Variants in PPP1R17 observed in about 807,000 individuals in gnomAD.
PPP1R17 encodes G-substrate.
PPP1R17 carries 12 observed loss-of-function variants against 15.9 expected under a neutral mutation model. That is an observed-to-expected ratio of 0.75 (90% CI 0.48 to 1.22). The LOEUF is 1.22. Among genes scored for constraint, PPP1R17 ranks in the 50% most tolerant of loss-of-function variants. The pLI is 0.00. For missense variants in PPP1R17, 211 were observed against 187.3 expected (o/e 1.13, Z -0.74); for synonymous variants, 63 against 64.5 (o/e 0.98, Z 0.11).
At chr7:31,695,427 T>A (rs1792535784) in intron 2 of PPP1R17, 42 bp from the exon 3 acceptor site, 4 of 1,541,258 alleles carry the variant, frequency 2.6e-6, no homozygotes, top group Non-Finnish European at 8.8e-7. Context: ...GGATCCTTAA[T>A]CATGTTATAT....
At position 31,696,269 on chromosome 7, in the gene PPP1R17, C is replaced by T. The variant is rs375744695; in HGVS notation, c.235+648C>T. Reference sequence around the variant, plus strand: ...AATTTACTGTCATCTCTGTTCACAACACACCTTGAGGGTTGCAAAACAAAT... The same window carrying T: ...AATTTACTGTCATCTCTGTTCACAATACACCTTGAGGGTTGCAAAACAAAT... On this transcript the variant is annotated intron_variant, in intron 3 of 4. Transcript: ENST00000342032. 2.6e-5 allele frequency among the ~76,000 whole-genome samples: 4 copies of T among 152,310 alleles called. No individual in the cohort carries two copies. In the East Asian group the frequency reaches 7.7e-4, roughly 29 times the overall value.
At chr7:31,690,566 T>C (rs1792300379) in intron 1 of PPP1R17, among the ~76,000 whole-genome samples, 1 of 152,220 alleles carries the variant, frequency 6.6e-6, no homozygotes, top group Non-Finnish European at 1.5e-5. Flanking sequence ...ATTTAGCAAC[T>C]TCATCGAAGT....
intron 3 of PPP1R17, among the ~76,000 whole-genome samples, chr7:31,696,576 G>C (rs1441300989): frequency 6.6e-6 from 1 of 152,150 alleles, no homozygotes; most frequent in African/African-American, 2.4e-5. Context: ...CAATACATCA[G>C]ATGAAATCCT....
At chr7:31,694,319 C>G (rs909312275) in intron 2 of PPP1R17, among the ~76,000 whole-genome samples, 1 of 151,428 alleles carries the variant, frequency 6.6e-6, no homozygotes, top group African/African-American at 2.4e-5. Context: ...TTTGGGACAT[C>G]TGAAGTATAT....
chr7:31,694,387 AAC>A (rs533091870), intron 2 of PPP1R17, among the ~76,000 whole-genome samples: 290 of 141,078 alleles, frequency 2.1e-3, no homozygotes, highest in East Asian at 4.6e-3. Flanking sequence ...CTCTCTCTCA[AAC>A]ACACACACAC....
intron 4 of PPP1R17, among the ~76,000 whole-genome samples, chr7:31,702,692 G>A (rs930322892): frequency 6.6e-6 from 1 of 152,114 alleles, no homozygotes; most frequent in African/African-American, 2.4e-5. Context: ...TCAACAACTT[G>A]CATGATGAAT....
intron 2 of PPP1R17, among the ~76,000 whole-genome samples, chr7:31,694,379 CTCT>C (rs1792481112): frequency 2.7e-5 from 4 of 146,748 alleles, no homozygotes; most frequent in Non-Finnish European, 5.9e-5. Context: ...CTCTCTCTCT[CTCT>C]CTCAAACACA....
intron 1 of PPP1R17, among the ~76,000 whole-genome samples, chr7:31,692,187 A>G (rs1792384298): frequency 6.6e-6 from 1 of 152,186 alleles, no homozygotes; most frequent in African/African-American, 2.4e-5. Context: ...GACAATTATG[A>G]ATAAATCTGT....
chr7:31,691,342 T>C (rs1449709807), intron 1 of PPP1R17, among the ~76,000 whole-genome samples: 1 of 152,238 alleles, frequency 6.6e-6, no homozygotes. Context: ...TGTGTTCATC[T>C]GCATGCTGGT....
chr7:31,705,937 G>T (rs1793047858), intron 4 of PPP1R17, among the ~76,000 whole-genome samples: 1 of 143,958 alleles, frequency 6.9e-6, no homozygotes, highest in African/African-American at 2.6e-5. Flanking sequence ...TTTCTGGGGT[G>T]ATCAGTCCAG....
At chr7:31,698,034 G>A (rs1792676288) in intron 4 of PPP1R17, among the ~76,000 whole-genome samples, 1 of 152,190 alleles carries the variant, frequency 6.6e-6, no homozygotes, top group Admixed American at 6.5e-5. Flanking sequence ...ACACTAAAAT[G>A]TGGCAGAATT....
At chr7:31,687,516 C>T (rs867487473) in intron 1 of PPP1R17, among the ~76,000 whole-genome samples, 1 of 152,184 alleles carries the variant, frequency 6.6e-6, no homozygotes, top group South Asian at 2.1e-4. Context: ...AAAGACTGAA[C>T]CCTCACAAAC....
intron 1 of PPP1R17, among the ~76,000 whole-genome samples, chr7:31,688,058 T>C (rs542247081): frequency 6.6e-6 from 1 of 152,276 alleles, no homozygotes; most frequent in Non-Finnish European, 1.5e-5. Flanking sequence ...ATAATTCTGA[T>C]AGATCAATTT....
At chr7:31,705,232 T>C (rs1583859499) in intron 4 of PPP1R17, among the ~76,000 whole-genome samples, 1 of 152,108 alleles carries the variant, frequency 6.6e-6, no homozygotes, top group Admixed American at 6.5e-5. Flanking sequence ...CAGATTCTCA[T>C]ATGATTAAGT....
intron 4 of PPP1R17, among the ~76,000 whole-genome samples, chr7:31,704,674 A>C (rs1375881744): frequency 1.3e-5 from 2 of 152,158 alleles, no homozygotes. Context: ...GCCTAAGTCT[A>C]TTTGGGGACA....
intron 1 of PPP1R17, among the ~76,000 whole-genome samples, chr7:31,691,809 A>C (rs1412997371): frequency 2.0e-5 from 3 of 150,932 alleles, no homozygotes; most frequent in African/African-American, 7.3e-5. Flanking sequence ...AAAAAAAAAA[A>C]AAAAAAAAAA....
intron 3 of PPP1R17, 78 bp from the exon 4 acceptor site, chr7:31,696,887 T>C: frequency 2.7e-6 from 4 of 1,479,216 alleles, no homozygotes; most frequent in Non-Finnish European, 2.7e-6. Context: ...ACCAGATGTC[T>C]ATAAATATGC....
intron 1 of PPP1R17, among the ~76,000 whole-genome samples, chr7:31,690,756 C>T (rs185853243): frequency 3.3e-5 from 5 of 152,114 alleles, no homozygotes; most frequent in African/African-American, 1.2e-4. Flanking sequence ...GCAGATAGGA[C>T]CTTCAGTAGA....
rs371890278 is a variant in PPP1R17, at chr7:31,690,451, T to A, written c.-36-1955T>A. Among the ~76,000 whole-genome samples, 4 of 152,248 alleles carry A rather than the reference T, an allele frequency of 2.6e-5. No homozygotes were observed. The East Asian group carries it at 7.7e-4, about 29-fold the overall frequency. Reference sequence around the variant, plus strand: ...CCAGACTGTGTGGGCACCACAAAGATGTTAGCCTTTGCAAATTTTATTGTA... The same window carrying A: ...CCAGACTGTGTGGGCACCACAAAGAAGTTAGCCTTTGCAAATTTTATTGTA... On this transcript the variant is annotated intron_variant, in intron 1 of 4. Coordinates refer to ENST00000342032, the MANE Select transcript of PPP1R17 (RefSeq NM_006658.5).
Sources: gnomAD v4.1 joint callset for allele counts (sites outside exome capture counted in the v4.1 genomes callset) on GRCh38, gnomAD v4.1.1 for gene constraint, MANE v1.5 for transcripts, NCBI Gene and HGNC (gene_info 2026-07-23, HGNC 2026-07-21) for gene names.